Variants in CEP83 observed in about 807,000 individuals in gnomAD.
CEP83 encodes centrosomal protein 83.
Under a neutral mutation model 101.9 loss-of-function variants are expected in CEP83, and 70 were observed. The ratio of observed to expected loss-of-function variants is 0.69; its 90% confidence interval spans 0.57 to 0.84. The LOEUF (loss-of-function observed/expected upper bound fraction) is 0.84, where lower values mean the gene tolerates loss of function less well. CEP83 is among the 40% of genes least tolerant of loss of function. The probability of loss-of-function intolerance (pLI) is 0.00; values close to 1 mark genes in which losing one functional copy is unlikely to be tolerated. For missense variants in CEP83, 715 were observed against 787.2 expected (o/e 0.91, Z 1.10); for synonymous variants, 264 against 267.9 (o/e 0.99, Z 0.14).
chr12:94,368,794 A>T (rs1384442218), intron 9 of CEP83: 2 of 152,222 alleles, frequency 1.3e-5, no homozygotes, highest in Non-Finnish European at 2.9e-5. Context: ...TTAAGTTCCT[A>T]AAAAAATTTA....
At chr12:94,330,171 C>T (rs1329086244) in intron 14 of CEP83, among the ~76,000 whole-genome samples, 1 of 152,136 alleles carries the variant, frequency 6.6e-6, no homozygotes, top group African/African-American at 2.4e-5. Context: ...GAAGCATTTT[C>T]CTCTCACCTC....
intron 12 of CEP83, among the ~76,000 whole-genome samples, chr12:94,334,805 A>T (rs2059385337): frequency 6.6e-6 from 1 of 152,062 alleles, no homozygotes; most frequent in African/African-American, 2.4e-5. Context: ...TTTTAACTGG[A>T]GTGGCAAATA....
Position 94,319,229 on chromosome 12 carries a change from G to T in CEP83, c.1708-6212C>A, listed in dbSNP as rs369675457. 7.9e-4 allele frequency among the ~76,000 whole-genome samples: 120 copies of T among 152,256 alleles called. 1 individual carries two copies. The East Asian group carries it at 0.022, about 28-fold the overall frequency. On this transcript the variant is annotated intron_variant, in intron 14 of 16. Coordinates refer to ENST00000397809, the MANE Select transcript of CEP83 (RefSeq NM_016122.3). ...TTATAGTTGTCTGTGACGGTTGTTT[G>T]TATTTCTGTGGGGTCAGTGGTAACA...
intron 2 of CEP83, among the ~76,000 whole-genome samples, chr12:94,425,636 T>C (rs944997413): frequency 6.6e-6 from 1 of 152,176 alleles, no homozygotes; most frequent in South Asian, 2.1e-4. Flanking sequence ...GTAGCCCTTC[T>C]AGGAGGCATA....
chr12:94,306,376 C>T (rs927145770), downstream of CEP83: 2 of 152,110 alleles, frequency 1.3e-5, no homozygotes, highest in Non-Finnish European at 2.9e-5. Context: ...TGAAAGTATT[C>T]CTCGCAGGAG....
intron 14 of CEP83, among the ~76,000 whole-genome samples, chr12:94,323,584 G>A (rs2058841218): frequency 6.6e-6 from 1 of 152,140 alleles, no homozygotes; most frequent in Admixed American, 6.5e-5. Flanking sequence ...TTCAGTTGAA[G>A]GTGCTGTATT....
chr12:94,452,040 T>C lies in CEP83; in HGVS notation c.-155+7517A>G, dbSNP rs1322028001. Among the ~76,000 whole-genome samples the C allele has an allele frequency of 2.6e-5, 4 of 152,274 alleles. No individual in the cohort carries two copies. In the East Asian group the frequency reaches 7.7e-4, roughly 29 times the overall value. On this transcript the variant is annotated intron_variant, in intron 1 of 16. Coordinates refer to ENST00000397809, the MANE Select transcript of CEP83 (RefSeq NM_016122.3). ...AATTAAAAAGAACAAAACATTGATA[T>C]ACATACATTAAATAAACCTCAAAAG...
chr12:94,287,101 C>T, the CEP83 span, among the ~76,000 whole-genome samples: 1 of 152,188 alleles, frequency 6.6e-6, no homozygotes, highest in Admixed American at 6.5e-5. Flanking sequence ...TCCACAAAAA[C>T]CCTGGGAGGC....
intron 1 of CEP83, among the ~76,000 whole-genome samples, chr12:94,449,023 G>GAAA (rs34981223): frequency 3.3e-5 from 4 of 120,028 alleles, no homozygotes; most frequent in African/African-American, 6.1e-5. Flanking sequence ...CAACAAAATC[G>GAAA]AAAAAAAAAA....
the CEP83 span, among the ~76,000 whole-genome samples, chr12:94,290,446 A>G: frequency 6.6e-6 from 1 of 152,264 alleles, no homozygotes; most frequent in Non-Finnish European, 1.5e-5. Context: ...GAGCTCAGTA[A>G]GAGTTAAGAA....
chr12:94,282,306 A>ATGGGCACACGACAGAAAGAACTTC, the CEP83 span: 2 of 1,612,264 alleles, frequency 1.2e-6, no homozygotes. Context: ...AGAGCTTCAA[A>ATGGGCACACGACAGAAAGAACTTC]TGGGCACACG....
intron 1 of CEP83, among the ~76,000 whole-genome samples, chr12:94,449,603 G>GAA (rs559626964): frequency 4.4e-5 from 5 of 114,032 alleles, no homozygotes; most frequent in East Asian, 5.1e-4. Flanking sequence ...AAAAAATACC[G>GAA]AAAAAAAAAA....
intron 1 of CEP83, among the ~76,000 whole-genome samples, chr12:94,452,351 T>C (rs561013919): frequency 6.6e-6 from 1 of 152,256 alleles, no homozygotes; most frequent in African/African-American, 2.4e-5. Context: ...TATATCTCAA[T>C]AAAGCTGTTT....
Position 94,458,612 on chromosome 12 carries a change from C to T in CEP83, c.-155+945G>A, listed in dbSNP as rs377498906. ...AATTAGCCGGGCATGGTGGCACGCA[C>T]CTGTAATCCCAGCTACTCGGGAGGC... On this transcript the variant is annotated intron_variant, in intron 1 of 16. Transcript: ENST00000397809. Among the ~76,000 whole-genome samples the T allele has an allele frequency of 4.6e-5, 7 of 152,252 alleles. 1 individual carries two copies. The highest frequency in any genetic ancestry group is 1.7e-4 in the African/African-American group (7 of 41,546).
At chr12:94,390,352 C>T (rs568402599) in intron 6 of CEP83, among the ~76,000 whole-genome samples, 14 of 152,226 alleles carry the variant, frequency 9.2e-5, no homozygotes, top group African/African-American at 3.1e-4. Flanking sequence ...GTGGAACTCC[C>T]GCAAGCTCCA....
intron 2 of CEP83, chr12:94,424,629 C>T (rs2065041857): frequency 6.2e-7 from 1 of 1,613,628 alleles, no homozygotes; most frequent in Non-Finnish European, 8.5e-7. Flanking sequence ...AGTGCTGTTA[C>T]AGCTTTCTGT....
At chr12:94,280,074 G>A in the CEP83 span, 24 of 339,360 alleles carry the variant, frequency 7.1e-5, no homozygotes, top group Middle Eastern at 1.1e-3. Context: ...CAGACTCTGG[G>A]TGTTAACTCT....
At chr12:94,368,978 G>C (rs2061160354) in intron 9 of CEP83, 1 of 152,130 alleles carries the variant, frequency 6.6e-6, no homozygotes, top group African/African-American at 2.4e-5. Context: ...AACATGGTGA[G>C]ACCCCATTTC....
At chr12:94,296,973 A>G in the CEP83 span, among the ~76,000 whole-genome samples, 8 of 152,218 alleles carry the variant, frequency 5.3e-5, 1 homozygote, top group African/African-American at 1.4e-4. Flanking sequence ...TAGGGAATCT[A>G]CTTCCTCCTC....
Sources: allele counts gnomAD v4.1 joint callset (sites outside exome capture counted in the v4.1 genomes callset), GRCh38; gene constraint gnomAD v4.1.1; transcripts MANE v1.5; gene names NCBI Gene and HGNC (gene_info 2026-07-23, HGNC 2026-07-21).